The following ROBO2 variants were observed in gnomAD, a reference collection of about 807,000 sequenced individuals.
ROBO2 encodes roundabout guidance receptor 2.
Under a neutral mutation model 160.8 loss-of-function variants are expected in ROBO2, and 53 were observed. That is an observed-to-expected ratio of 0.33 (90% CI 0.26 to 0.41). The LOEUF (loss-of-function observed/expected upper bound fraction) is 0.41, where lower values mean the gene tolerates loss of function less well. Ranked by LOEUF, ROBO2 falls within the 10% of genes least tolerant of loss-of-function variation. The pLI is 1.00. For missense variants in ROBO2, 1,577 were observed against 1,722.4 expected, an observed-to-expected ratio of 0.92 and a Z score of 1.49; for synonymous variants, 664 against 611.7, an observed-to-expected ratio of 1.09 and a Z score of -1.26.
At chr3:76,781,983 G>A (rs62261790) in intron 2 of ROBO2, among the ~76,000 whole-genome samples, 47,758 of 150,458 alleles carry the variant, frequency 0.32, 9,252 homozygotes, top group Non-Finnish European at 0.43. Flanking sequence ...TGAAGCCATC[G>A]GATCATGGCT....
At chr3:76,818,424 A>T (rs1238419299) in intron 2 of ROBO2, among the ~76,000 whole-genome samples, 3 of 151,038 alleles carry the variant, frequency 2.0e-5, no homozygotes, top group Non-Finnish European at 4.4e-5. Flanking sequence ...GACTGTGAAG[A>T]TTTTCTCTGA....
At chr3:77,245,552 C>G (rs913124833) in intron 2 of ROBO2, among the ~76,000 whole-genome samples, 2 of 152,134 alleles carry the variant, frequency 1.3e-5, no homozygotes, top group Non-Finnish European at 1.5e-5. Flanking sequence ...TTCTTTATTT[C>G]TTCTTTGTGC....
chr3:76,772,650 T>A (rs536232433), intron 2 of ROBO2, among the ~76,000 whole-genome samples: 9 of 151,062 alleles, frequency 6.0e-5, no homozygotes, highest in South Asian at 2.1e-4. Context: ...AGCAGTGAAG[T>A]GAGCATACAG....
At chr3:77,187,412 C>A (rs2150909256) in intron 2 of ROBO2, among the ~76,000 whole-genome samples, 1 of 151,944 alleles carries the variant, frequency 6.6e-6, no homozygotes, top group African/African-American at 2.4e-5. Flanking sequence ...GAATACAGTT[C>A]AAAATAAGTA....
chr3:77,291,825 T>A (rs1405008993), intron 2 of ROBO2, among the ~76,000 whole-genome samples: 1 of 146,126 alleles, frequency 6.8e-6, no homozygotes, highest in Non-Finnish European at 1.5e-5. Flanking sequence ...TAAAGTAAAA[T>A]TGATGGTTAA....
intron 2 of ROBO2, among the ~76,000 whole-genome samples, chr3:76,141,159 C>CTATATATATATATATATATATATA (rs55778369): frequency 1.1e-4 from 1 of 9,176 alleles, no homozygotes; most frequent in African/African-American, 4.3e-4. Context: ...CTCTCTCTCT[C>CTATATATATATATATATATATATA]TATATATATA....
intron 2 of ROBO2, among the ~76,000 whole-genome samples, chr3:77,208,581 C>G (rs2151076630): frequency 6.6e-6 from 1 of 151,972 alleles, no homozygotes; most frequent in Non-Finnish European, 1.5e-5. Flanking sequence ...CAAAATATAC[C>G]CATTTGAATG....
intron 2 of ROBO2, among the ~76,000 whole-genome samples, chr3:75,940,096 A>G (rs1184115859): frequency 6.6e-6 from 1 of 152,206 alleles, no homozygotes; most frequent in African/African-American, 2.4e-5. Context: ...TATACTTTCT[A>G]CACAACCTCT....
At chr3:77,014,936 T>C (rs1448681790) in intron 2 of ROBO2, among the ~76,000 whole-genome samples, 1 of 152,174 alleles carries the variant, frequency 6.6e-6, no homozygotes, top group Non-Finnish European at 1.5e-5. Context: ...TTAAAAATCA[T>C]AGATTAAAAT....
exon 1 of ROBO2, chr3:77,040,122 C>G (rs1232909365): frequency 1.0e-6 from 1 of 985,298 alleles, no homozygotes; most frequent in African/African-American, 1.7e-5. Context: ...ATTCTCCACC[C>G]GAATCGTCCT....
chr3:77,213,163 C>T (rs1020622878), intron 2 of ROBO2, among the ~76,000 whole-genome samples: 1 of 152,130 alleles, frequency 6.6e-6, no homozygotes, highest in African/African-American at 2.4e-5. Context: ...ACCAGCTCCT[C>T]CTTGTACCTC....
At chr3:76,816,643 A>G (rs1050623706) in intron 2 of ROBO2, among the ~76,000 whole-genome samples, 1 of 151,942 alleles carries the variant, frequency 6.6e-6, no homozygotes, top group Non-Finnish European at 1.5e-5. Context: ...TTCCACAACT[A>G]TTGTGGAAGA....
At chr3:75,913,770 T>C (rs1946696977) in intron 1 of ROBO2, among the ~76,000 whole-genome samples, 1 of 152,214 alleles carries the variant, frequency 6.6e-6, no homozygotes, top group Non-Finnish European at 1.5e-5. Flanking sequence ...ATCTCATCCA[T>C]ATAAGAAAGC....
chr3:76,321,685 G>A (rs925601040), intron 2 of ROBO2, among the ~76,000 whole-genome samples: 2 of 152,158 alleles, frequency 1.3e-5, no homozygotes, highest in Non-Finnish European at 2.9e-5. Flanking sequence ...TGGACAGTGT[G>A]TTGAGAATTA....
intron 2 of ROBO2, among the ~76,000 whole-genome samples, chr3:76,806,419 A>G (rs2064718403): frequency 6.6e-6 from 1 of 152,006 alleles, no homozygotes; most frequent in Non-Finnish European, 1.5e-5. Context: ...AGATTGTATG[A>G]CAATGAAGCC....
chr3:76,193,923 C>T (rs1702125533), intron 2 of ROBO2, among the ~76,000 whole-genome samples: 2 of 152,004 alleles, frequency 1.3e-5, no homozygotes, highest in South Asian at 4.1e-4. Flanking sequence ...TATTTTTTAT[C>T]ACAATCCTCT....
intron 2 of ROBO2, among the ~76,000 whole-genome samples, chr3:76,892,377 A>G (rs951089731): frequency 5.9e-5 from 9 of 152,176 alleles, no homozygotes; most frequent in African/African-American, 2.2e-4. Context: ...TCGACCTGTC[A>G]TCTACTTAGC....
At position 76,505,370 on chromosome 3, in the gene ROBO2, A is replaced by T. The variant is rs78045955; in HGVS notation, c.109+567768A>T. On this transcript the variant is annotated intron_variant, in intron 2 of 26. Transcript: ENST00000487694. ...AGCAGCTAAAGATAGTTCAGCATTT[A>T]AAAAAAAAAAAATGCTATTAGTATG... Among the ~76,000 whole-genome samples the T allele has an allele frequency of 2.2e-3, 45 of 20,800 alleles. No homozygotes were observed. In the East Asian group the frequency reaches 0.05, roughly 23 times the overall value. 13.6% of individuals were successfully genotyped at this position (20,800 alleles called of 152,430 possible).
Position 76,949,504 on chromosome 3 carries a change from C to CAA in ROBO2, c.110-148509_110-148508dup, listed in dbSNP as rs1296799190. ...TTTTAAAAATATGCAGAATTCAAACCAAGTCCGACAGCCTTCTCCCCTATT... is the reference window on the plus strand; with the variant it reads ...TTTTAAAAATATGCAGAATTCAAACCAAAAGTCCGACAGCCTTCTCCCCTATT... On this transcript the variant is annotated intron_variant, in intron 2 of 26. Transcript: ENST00000487694. 3.3e-5 allele frequency among the ~76,000 whole-genome samples: 5 copies of CAA among 152,184 alleles called. No individual in the cohort carries two copies. The South Asian group carries it at 1.0e-3, about 32-fold the overall frequency.
Sources: gnomAD v4.1 joint callset for allele counts (sites outside exome capture counted in the v4.1 genomes callset) on GRCh38, gnomAD v4.1.1 for gene constraint, MANE v1.5 for transcripts, NCBI Gene and HGNC (gene_info 2026-07-23, HGNC 2026-07-21) for gene names.